The following IMP3 variants were observed in gnomAD, a reference collection of about 807,000 sequenced individuals.
IMP3 encodes the protein U3 small nucleolar ribonucleoprotein IMP3.
Under a neutral mutation model 10.2 loss-of-function variants are expected in IMP3, and 17 were observed. The observed-to-expected ratio is 1.67, with a 90% CI of 1.14 to 2.50. IMP3 has a LOEUF of 2.50. Ranked by LOEUF, IMP3 falls within the 30% of genes most tolerant of loss-of-function variation. IMP3 has a pLI of 0.00. For synonymous variants in IMP3, 167 were observed against 120.1 expected, an observed-to-expected ratio of 1.39 and a Z score of -2.55; for missense variants, 290 against 260.2, an observed-to-expected ratio of 1.11 and a Z score of -0.79.
chr15:75,639,176 A>G lies in IMP3; in HGVS notation c.*438T>C, dbSNP rs993586858. 2 of 173,986 alleles carry G rather than the reference A, an allele frequency of 1.1e-5. No homozygotes were observed. Among genetic ancestry groups the G allele is most frequent in the African/African-American group, 4.8e-5 (2 of 41,716 alleles). 10.8% of individuals were successfully genotyped at this position (173,986 alleles called of 1,614,324 possible). Reference sequence around the variant, plus strand: ...AACACTAGTCTCGCTCAGTTTATAAAAACTTGAGGCCAAACTCTCCATCAT... The same window carrying G: ...AACACTAGTCTCGCTCAGTTTATAAGAACTTGAGGCCAAACTCTCCATCAT... On this transcript the variant is annotated 3_prime_UTR_variant, in exon 1 of 1. Coordinates refer to ENST00000403490, the MANE Select transcript of IMP3 (RefSeq NM_018285.4).
rs1350403049 is a variant in IMP3 at position 75,639,612 on chromosome 15, C to T, written c.*2G>A. On this transcript the variant is annotated 3_prime_UTR_variant, in exon 1 of 1. Coordinates refer to ENST00000403490, the MANE Select transcript of IMP3 (RefSeq NM_018285.4). ...AGACAGCCATGCAAAGTGGGAGATC[C>T]GCTAGGCTTCCAGATCGAAGTCATC... is the stretch of plus-strand genomic sequence containing the variant. The T allele has an allele frequency of 5.6e-6, 9 of 1,613,082 alleles. No homozygotes were observed. Among genetic ancestry groups the T allele is most frequent in the Middle Eastern group, 1.6e-4 (1 of 6,080 alleles).
At position 75,639,766 on chromosome 15, in the gene IMP3, G is replaced by C; in HGVS notation, c.403C>G (p.His135Asp). 6.2e-7 allele frequency: 1 copy of C among 1,613,292 alleles called. No homozygotes were observed. The highest frequency in any genetic ancestry group is 8.5e-7 in the Non-Finnish European group (1 of 1,179,996). The part of the protein sequence containing the change: ...QAAVAFVEQG[H>D]VRVGPDVVTD... ...ACCACGTCAGGGCCCACGCGTACGT[G>C]CCCTTGCTCCACAAAGGCCACGGCA... is the stretch of plus-strand genomic sequence containing the variant. The change falls in exon 1 of 1, where the codon CAC (histidine) becomes GAC (aspartate). Residue 135 changes from histidine (H) to aspartate (D), a missense_variant. Physicochemically the swap from His to Asp is moderately conservative, Grantham distance 81 (BLOSUM62 -1). Coordinates refer to ENST00000403490, the MANE Select transcript of IMP3 (RefSeq NM_018285.4).
Position 75,639,789 on chromosome 15 carries a change from G to A in IMP3, c.380C>T (p.Ala127Val). 1 of 1,612,664 alleles carries A rather than the reference G, an allele frequency of 6.2e-7. No homozygotes were observed. Residue 127 changes from alanine (A) to valine (V), a missense_variant, in exon 1 of 1, where the codon GCC becomes GTC. Physicochemically the swap from Ala to Val is moderately conservative, Grantham distance 64. Coordinates refer to ENST00000403490, the MANE Select transcript of IMP3 (RefSeq NM_018285.4). Reference sequence around the variant, plus strand: ...GTGCCCTTGCTCCACAAAGGCCACGGCAGCCTGAAGGTGCTGCGCCATGCG... The same window carrying A: ...GTGCCCTTGCTCCACAAAGGCCACGACAGCCTGAAGGTGCTGCGCCATGCG... ...KLRMAQHLQA[A>V]VAFVEQGHVR... is the part of the protein sequence containing the mutation.
At position 75,639,718 on chromosome 15, in the gene IMP3, T is replaced by C. The variant is rs1893395724; in HGVS notation, c.451A>G (p.Thr151Ala). The C allele has an allele frequency of 1.2e-6, 2 of 1,613,686 alleles. No individual in the cohort carries two copies. The highest frequency in any genetic ancestry group is 2.2e-5 in the East Asian group (1 of 44,892). Reference protein sequence around the residue: ...DVVTDPAFLVTRSMEDFVTWV... With the variant: ...DVVTDPAFLVARSMEDFVTWV... Reference sequence around the variant, plus strand: ...GTGACAAAGTCCTCCATGCTGCGCGTGACAAGGAAGGCGGGGTCGGTAACC... The same window carrying C: ...GTGACAAAGTCCTCCATGCTGCGCGCGACAAGGAAGGCGGGGTCGGTAACC... The change falls in exon 1 of 1, where the codon ACG becomes GCG. Residue 151 changes from threonine to alanine, a missense_variant. By Grantham distance (58) the Thr-to-Ala change is moderately conservative. Transcript: ENST00000403490.
rs372259564 is a variant in IMP3 at position 75,639,941 on chromosome 15, C to G, written c.228G>C (p.Ser76=). The G allele has an allele frequency of 5.6e-6, 9 of 1,607,088 alleles. No homozygotes were observed. In the South Asian group the frequency reaches 9.9e-5, roughly 18 times the overall value. ...CATACAGCTTGTCCAGCAGCGCGGC[C>G]GAAGCGCGCACGCGGAACTGGTCGC... ...PERDQFRVRA[S]AALLDKLYAL... The change falls in exon 1 of 1, where the codon TCG becomes TCC. Residue 76 remains serine (S), a synonymous_variant. Coordinates refer to ENST00000403490, the MANE Select transcript of IMP3 (RefSeq NM_018285.4).
rs768822886 is a variant in IMP3, at chr15:75,639,803, C to T, written c.366G>A (p.Gln122=). ...PTVLLKLRMA[Q]HLQAAVAFVE... ...CAAAGGCCACGGCAGCCTGAAGGTG[C>T]TGCGCCATGCGCAGCTTGAGGAGCA... is the stretch of plus-strand genomic sequence containing the variant. The change falls in exon 1 of 1, where the codon CAG becomes CAA. Residue 122 remains glutamine (Q), a synonymous_variant. Transcript: ENST00000403490. 1.4e-4 allele frequency: 218 copies of T among 1,612,076 alleles called. 2 individuals carry two copies. In the South Asian group the frequency reaches 1.5e-3, roughly 11 times the overall value.
Position 75,639,933 on chromosome 15 carries a change from A to G in IMP3, c.236T>C (p.Leu79Pro). The change falls in exon 1 of 1, where the codon CTG (leucine) becomes CCG (proline). Residue 79 changes from leucine to proline, a missense_variant. By Grantham distance (98) the Leu-to-Pro change is moderately conservative. Transcript: ENST00000403490. ...GCCGAGAGCATACAGCTTGTCCAGC[A>G]GCGCGGCCGAAGCGCGCACGCGGAA... Reference protein sequence around the residue: ...DQFRVRASAALLDKLYALGLV... With the variant: ...DQFRVRASAAPLDKLYALGLV... 6.2e-7 allele frequency: 1 copy of G among 1,608,192 alleles called. No individual in the cohort carries two copies. The highest frequency in any genetic ancestry group is 8.5e-7 in the Non-Finnish European group (1 of 1,177,852).
In IMP3 at chr15:75,639,939, G is replaced by A. The variant is rs747071463; in HGVS notation, c.230C>T (p.Ala77Val). 1.2e-6 allele frequency: 2 copies of A among 1,606,780 alleles called. No homozygotes were observed. The highest frequency in any genetic ancestry group is 1.7e-6 in the Non-Finnish European group (2 of 1,177,280). ...AGCATACAGCTTGTCCAGCAGCGCG[G>A]CCGAAGCGCGCACGCGGAACTGGTC... ...ERDQFRVRAS[A>V]ALLDKLYALG... The change falls in exon 1 of 1, where the codon GCC (alanine) becomes GTC (valine). Residue 77 changes from alanine (A) to valine (V), a missense_variant. By Grantham distance (64) the Ala-to-Val change is moderately conservative. Coordinates refer to ENST00000403490, the MANE Select transcript of IMP3 (RefSeq NM_018285.4).
At position 75,640,102 on chromosome 15, in the gene IMP3, C is replaced by A; in HGVS notation, c.67G>T (p.Val23Phe). 1 of 1,600,208 alleles carries A rather than the reference C, an allele frequency of 6.2e-7. No homozygotes were observed. The highest frequency in any genetic ancestry group is 2.3e-5 in the East Asian group (1 of 44,378). Residue 23 changes from valine to phenylalanine, a missense_variant, in exon 1 of 1, where the codon GTC becomes TTC. Val to Phe is a conservative substitution (Grantham distance 50). Coordinates refer to ENST00000403490, the MANE Select transcript of IMP3 (RefSeq NM_018285.4). ...LKQVDFLNWE[V>F]TDHNLHELRV... is the part of the protein sequence containing the mutation. The stretch of plus-strand genomic sequence containing the variant: ...AGCTCGTGCAGGTTGTGGTCGGTGA[C>A]CTCCCAGTTCAGGAAGTCCACCTGC...
At position 75,639,805 on chromosome 15, in the gene IMP3, G is replaced by A. The variant is rs779083183; in HGVS notation, c.364C>T (p.Gln122Ter). ...PTVLLKLRMA[Q>*]HLQAAVAFVE... Reference sequence around the variant, plus strand: ...AAGGCCACGGCAGCCTGAAGGTGCTGCGCCATGCGCAGCTTGAGGAGCACG... The same window carrying A: ...AAGGCCACGGCAGCCTGAAGGTGCTACGCCATGCGCAGCTTGAGGAGCACG... The change falls in exon 1 of 1, where the codon CAG (glutamine) becomes TAG (stop). Residue 122 changes from glutamine (Q) to a stop codon, truncating the protein, a stop_gained. Coordinates refer to ENST00000403490, the MANE Select transcript of IMP3 (RefSeq NM_018285.4). LOFTEE classifies it high-confidence loss of function. 4 of 1,611,758 alleles carry A rather than the reference G, an allele frequency of 2.5e-6. No homozygotes were observed. The highest frequency in any genetic ancestry group is 2.7e-5 in the African/African-American group (2 of 74,868).
Position 75,639,393 on chromosome 15 carries a change from G to T in IMP3, c.*221C>A. On this transcript the variant is annotated 3_prime_UTR_variant, in exon 1 of 1. Transcript: ENST00000403490. ...AAGTTACTTCCCACTGTTTCCCAAG[G>T]CACAGTCAATTAATAATCAGTAGTC... 1.8e-6 allele frequency: 1 copy of T among 566,650 alleles called. No homozygotes were observed. Among genetic ancestry groups the T allele is most frequent in the Non-Finnish European group, 3.1e-6 (1 of 320,714 alleles). The allele number at this position is 566,650 out of a possible 1,614,324, so 35.1% of individuals were successfully genotyped here.
chr15:75,639,314 T>G lies in IMP3; in HGVS notation c.*300A>C. ...GGCGTGGGGATTTCCAGTTTTTCCTTTTACATTACAAAGTTTCCAACACAA... is the reference window on the plus strand; with the variant it reads ...GGCGTGGGGATTTCCAGTTTTTCCTGTTACATTACAAAGTTTCCAACACAA... On this transcript the variant is annotated 3_prime_UTR_variant, in exon 1 of 1. Coordinates refer to ENST00000403490, the MANE Select transcript of IMP3 (RefSeq NM_018285.4). The G allele has an allele frequency of 5.4e-6, 2 of 373,816 alleles. No individual in the cohort carries two copies. The highest frequency in any genetic ancestry group is 9.8e-6 in the Non-Finnish European group (2 of 204,150). The allele number at this position is 373,816 out of a possible 1,614,324, so 23.2% of individuals were successfully genotyped here. A position where few individuals can be genotyped will look rare whatever the true frequency, so the allele number is the denominator to read the frequency against.
rs1893409279 is a variant in IMP3 at position 75,640,152 on chromosome 15, T to C, written c.17A>G (p.Lys6Arg). Residue 6 changes from lysine to arginine, a missense_variant, in exon 1 of 1, where the codon AAG becomes AGG. By Grantham distance (26) the Lys-to-Arg change is conservative. Coordinates refer to ENST00000403490, the MANE Select transcript of IMP3 (RefSeq NM_018285.4). ...CTTCAGCAGCTTCTGCTCGTGGAAC[T>C]TAAGCTTCCGCACCATGATGGCGGC... MVRKL[K>R]FHEQKLLKQV... 6.5e-7 allele frequency: 1 copy of C among 1,546,344 alleles called. No individual in the cohort carries two copies. Among genetic ancestry groups the C allele is most frequent in the Non-Finnish European group, 8.7e-7 (1 of 1,142,994 alleles).
rs1043520425 is a variant in IMP3 at position 75,639,876 on chromosome 15, C to T, written c.293G>A (p.Cys98Tyr). ...LVPTRGSLELCDFVTASSFCR... is the reference protein window; with the variant it reads ...LVPTRGSLELYDFVTASSFCR... ...GAAGGACGAGGCCGTGACGAAGTCG[C>T]AGAGCTCCAGCGAACCGCGCGTGGG... Residue 98 changes from cysteine (C) to tyrosine (Y), a missense_variant, in exon 1 of 1, where the codon TGC (cysteine) becomes TAC (tyrosine). Transcript: ENST00000403490. 6.2e-7 allele frequency: 1 copy of T among 1,611,524 alleles called. No homozygotes were observed. Among genetic ancestry groups the T allele is most frequent in the African/African-American group, 1.3e-5 (1 of 75,042 alleles).
At position 75,639,595 on chromosome 15, in the gene IMP3, A is replaced by C; in HGVS notation, c.*19T>G. 3 of 1,608,744 alleles carry C rather than the reference A, an allele frequency of 1.9e-6. No individual in the cohort carries two copies. The highest frequency in any genetic ancestry group is 2.2e-5 in the South Asian group (2 of 90,998). ...GTTTTCCCATCTGTAAAAGACAGCC[A>C]TGCAAAGTGGGAGATCCGCTAGGCT... On this transcript the variant is annotated 3_prime_UTR_variant, in exon 1 of 1. Transcript: ENST00000403490.
At position 75,640,123 on chromosome 15, in the gene IMP3, C is replaced by A. The variant is rs761883302; in HGVS notation, c.46G>T (p.Val16Leu). ...GTGACCTCCCAGTTCAGGAAGTCCA[C>A]CTGCTTCAGCAGCTTCTGCTCGTGG... The part of the protein sequence containing the change: ...KFHEQKLLKQ[V>L]DFLNWEVTDH... The change falls in exon 1 of 1, where the codon GTG (valine) becomes TTG (leucine). Residue 16 changes from valine (V) to leucine (L), a missense_variant. Transcript: ENST00000403490. 3 of 1,580,540 alleles carry A rather than the reference C, an allele frequency of 1.9e-6. No individual in the cohort carries two copies. Among genetic ancestry groups the A allele is most frequent in the Admixed American group, 1.8e-5 (1 of 56,846 alleles).
In IMP3 at chr15:75,639,854, G is replaced by A. The variant is rs913775156; in HGVS notation, c.315C>T (p.Ser105=). 3.1e-6 allele frequency: 5 copies of A among 1,611,340 alleles called. No individual in the cohort carries two copies. The highest frequency in any genetic ancestry group is 3.3e-5 in the Admixed American group (2 of 59,862). The change falls in exon 1 of 1, where the codon TCC becomes TCT. Residue 105 remains serine, a synonymous_variant. Transcript: ENST00000403490. ...LELCDFVTAS[S]FCRRRLPTVL... ...CGGTGGGGAGGCGGCGGCGGCAGAAGGACGAGGCCGTGACGAAGTCGCAGA... is the reference window on the plus strand; with the variant it reads ...CGGTGGGGAGGCGGCGGCGGCAGAAAGACGAGGCCGTGACGAAGTCGCAGA...
rs762162392 is a variant in IMP3 at position 75,640,045 on chromosome 15, G to C, written c.124C>G (p.Arg42Gly). The C allele has an allele frequency of 3.7e-6, 6 of 1,605,948 alleles. No homozygotes were observed. The highest frequency in any genetic ancestry group is 5.1e-6 in the Non-Finnish European group (6 of 1,177,088). The change falls in exon 1 of 1, where the codon CGG (arginine) becomes GGG (glycine). Residue 42 changes from arginine to glycine, a missense_variant. Arg to Gly is a moderately radical substitution (Grantham distance 125, BLOSUM62 -2). Transcript: ENST00000403490. ...TGGTTGTAGCGCGTGTAGTCCTCCC[G>C]CCGCTGCAGCCGGTAACGCCGCAGC... ...RVLRRYRLQR[R>G]EDYTRYNQLS... is the part of the protein sequence containing the mutation.
Position 75,640,007 on chromosome 15 carries a change from G to C in IMP3, c.162C>G (p.Ala54=), listed in dbSNP as rs780340078. The change falls in exon 1 of 1, where the codon GCC becomes GCG. Residue 54 remains alanine (A), a synonymous_variant. Transcript: ENST00000403490. The part of the protein sequence containing the change: ...DYTRYNQLSR[A]VRELARRLRD... ...GCAGGCGCCGCGCCAGCTCACGCAC[G>C]GCACGGCTCAGCTGGTTGTAGCGCG... The C allele has an allele frequency of 6.9e-5, 110 of 1,601,452 alleles. No homozygotes were observed. Among genetic ancestry groups the C allele is most frequent in the Non-Finnish European group, 8.4e-5 (99 of 1,174,968 alleles).
Sources: allele counts gnomAD v4.1 joint callset, GRCh38; gene constraint gnomAD v4.1.1; transcripts MANE v1.5; gene names NCBI Gene and HGNC (gene_info 2026-07-23, HGNC 2026-07-21).